The following TSHZ2 variants were observed in gnomAD, a reference collection of about 807,000 sequenced individuals.
TSHZ2 encodes teashirt zinc finger homeobox 2.
TSHZ2 carries 21 observed loss-of-function variants against 74.4 expected under a neutral mutation model. The observed-to-expected ratio is 0.28, with a 90% CI of 0.20 to 0.41. TSHZ2 has a LOEUF of 0.41. Among genes scored for constraint, TSHZ2 ranks in the 10% least tolerant of loss-of-function variants. The pLI is 1.00. For synonymous variants in TSHZ2, 540 were observed against 515.3 expected (o/e 1.05, Z -0.65); for missense variants, 1,244 against 1,293.5 (o/e 0.96, Z 0.59).
At chr20:53,030,160 C>T (rs1983584164) in intron 1 of TSHZ2, among the ~76,000 whole-genome samples, 1 of 152,040 alleles carries the variant, frequency 6.6e-6, no homozygotes, top group Non-Finnish European at 1.5e-5. Context: ...AAAGCTATAC[C>T]ACCAGGAAGT....
intron 1 of TSHZ2, among the ~76,000 whole-genome samples, chr20:52,974,202 T>C (rs539800270): frequency 3.6e-4 from 55 of 152,352 alleles, no homozygotes; most frequent in African/African-American, 1.2e-3. Flanking sequence ...AAATGTAATA[T>C]GAAAGTTCAT....
chr20:53,250,069 A>G (rs1478795953), intron 1 of TSHZ2, among the ~76,000 whole-genome samples: 2 of 152,226 alleles, frequency 1.3e-5, no homozygotes, highest in African/African-American at 2.4e-5. Flanking sequence ...CAGCTGTTCC[A>G]GGAATGGGGA....
At chr20:53,072,241 C>T (rs939781017) in intron 1 of TSHZ2, among the ~76,000 whole-genome samples, 1 of 152,176 alleles carries the variant, frequency 6.6e-6, no homozygotes, top group African/African-American at 2.4e-5. Context: ...GTTTCTATGA[C>T]ATTAAGGACT....
rs1247427237 is a variant in TSHZ2 at position 53,255,108 on chromosome 20, G to A, written c.1650G>A (p.Leu550=). 4 of 1,614,160 alleles carry A rather than the reference G, an allele frequency of 2.5e-6. No homozygotes were observed. Among genetic ancestry groups the A allele is most frequent in the Non-Finnish European group, 3.4e-6 (4 of 1,180,042 alleles). ...CCAGCATCCACGCAGCCTACCAGCTGTCTGAGGGCACCAAGCCGCCTTTGC... is the reference window on the plus strand; with the variant it reads ...CCAGCATCCACGCAGCCTACCAGCTATCTGAGGGCACCAAGCCGCCTTTGC... ...AYPSIHAAYQ[L]SEGTKPPLPM... The change falls in exon 2 of 3, where the codon CTG becomes CTA. Residue 550 remains leucine, a synonymous_variant. Coordinates refer to ENST00000371497, the MANE Select transcript of TSHZ2 (RefSeq NM_173485.6). This position sits in a 1 kb window ranked among gnomAD's most constrained non-coding sequence, Gnocchi z 4.1.
At chr20:53,093,291 G>A (rs910484749) in intron 1 of TSHZ2, among the ~76,000 whole-genome samples, 11 of 152,352 alleles carry the variant, frequency 7.2e-5, no homozygotes, top group African/African-American at 1.9e-4. Context: ...CTGTGTTGCC[G>A]TGGCTGCTGG....
At chr20:53,075,993 C>T (rs1160928039) in intron 1 of TSHZ2, among the ~76,000 whole-genome samples, 9 of 152,336 alleles carry the variant, frequency 5.9e-5, no homozygotes, top group Middle Eastern at 3.4e-3. Flanking sequence ...GCTTTCCTCA[C>T]TTCTAGCGAG....
chr20:53,140,194 A>G (rs1227257110), intron 1 of TSHZ2, among the ~76,000 whole-genome samples: 2 of 152,100 alleles, frequency 1.3e-5, no homozygotes, highest in Admixed American at 1.3e-4. Context: ...TAAATATGCA[A>G]TATATATAAT....
At chr20:53,446,882 C>T (rs534431552) in intron 2 of TSHZ2, among the ~76,000 whole-genome samples, 1 of 152,304 alleles carries the variant, frequency 6.6e-6, no homozygotes, top group Admixed American at 6.5e-5. Flanking sequence ...CTAACCTAAA[C>T]AGCTGCCCCA....
intron 2 of TSHZ2, among the ~76,000 whole-genome samples, chr20:53,316,492 A>G (rs1979026613): frequency 6.6e-6 from 1 of 152,106 alleles, no homozygotes. Flanking sequence ...GGTGAGGTTA[A>G]ATGAATATCT....
chr20:53,098,674 G>A (rs929979351), intron 1 of TSHZ2, among the ~76,000 whole-genome samples: 4 of 152,140 alleles, frequency 2.6e-5, no homozygotes, highest in Admixed American at 6.5e-5. Flanking sequence ...GAAATTCAGG[G>A]GGGAATTTCC....
chr20:53,015,607 C>T (rs1473454524), intron 1 of TSHZ2, among the ~76,000 whole-genome samples: 1 of 152,164 alleles, frequency 6.6e-6, no homozygotes, highest in Non-Finnish European at 1.5e-5. Flanking sequence ...ACAGCACATT[C>T]CTTTAGCCAA....
chr20:53,376,477 T>C (rs553364769), intron 2 of TSHZ2, among the ~76,000 whole-genome samples: 2 of 152,328 alleles, frequency 1.3e-5, no homozygotes, highest in Non-Finnish European at 2.9e-5. Flanking sequence ...AGATATTCTC[T>C]TCTGCATATC....
intron 1 of TSHZ2, among the ~76,000 whole-genome samples, chr20:53,162,693 G>C (rs1987971483): frequency 6.6e-6 from 1 of 152,164 alleles, no homozygotes; most frequent in Admixed American, 6.5e-5. Context: ...TGTTGCATGG[G>C]AAAGGAGGGG....
At chr20:53,266,570 C>A (rs1280896243) in intron 2 of TSHZ2, among the ~76,000 whole-genome samples, 1 of 152,096 alleles carries the variant, frequency 6.6e-6, no homozygotes, top group African/African-American at 2.4e-5. Flanking sequence ...AAAAATAATT[C>A]TCATTGTCCC....
intron 1 of TSHZ2, among the ~76,000 whole-genome samples, chr20:53,062,773 CTT>C (rs1984863176): frequency 6.6e-6 from 1 of 152,164 alleles, no homozygotes; most frequent in South Asian, 2.1e-4. Flanking sequence ...TTCAAAAACT[CTT>C]TGTTGGCATT....
intron 1 of TSHZ2, among the ~76,000 whole-genome samples, chr20:53,237,025 G>T (rs1234947334): frequency 6.6e-6 from 1 of 152,202 alleles, no homozygotes; most frequent in Non-Finnish European, 1.5e-5. Flanking sequence ...TCTCAGGAAA[G>T]TTGTTTGACT....
chr20:53,450,375 A>T (rs1410234655), intron 2 of TSHZ2, among the ~76,000 whole-genome samples: 1 of 152,238 alleles, frequency 6.6e-6, no homozygotes, highest in South Asian at 2.1e-4. Flanking sequence ...AATCTCAGGG[A>T]TCACTTTTTG....
intron 2 of TSHZ2, among the ~76,000 whole-genome samples, chr20:53,406,597 C>T (rs959721777): frequency 2.0e-5 from 3 of 152,096 alleles, no homozygotes; most frequent in Non-Finnish European, 2.9e-5. Context: ...CAGGAACCCC[C>T]AATTCCTCCT....
rs75709834 is a variant in TSHZ2 at position 53,371,312 on chromosome 20, G to A, written c.*8+114741G>A. On this transcript the variant is annotated intron_variant, in intron 2 of 2. Coordinates refer to ENST00000371497, the MANE Select transcript of TSHZ2 (RefSeq NM_173485.6). The stretch of plus-strand genomic sequence containing the variant: ...CTGGCCTAGGAATCTGGGAACCACC[G>A]AATGATTAAAAGCTGCTCTGTAAAG... Among the ~76,000 whole-genome samples, 123 of 152,274 alleles carry A rather than the reference G, an allele frequency of 8.1e-4. No individual in the cohort carries two copies. The East Asian group carries it at 8.1e-3, about 10-fold the overall frequency.
Sources: gnomAD v4.1 joint callset for allele counts (sites outside exome capture counted in the v4.1 genomes callset) on GRCh38, gnomAD v4.1.1 for gene constraint, Gnocchi (gnomAD v3.1) non-coding constraint, MANE v1.5 for transcripts, NCBI Gene and HGNC (gene_info 2026-07-23, HGNC 2026-07-21) for gene names.